The following TEX46 variants were observed in gnomAD, a reference collection of about 807,000 sequenced individuals.
TEX46 encodes testis-expressed protein 46.
TEX46 carries 6 observed loss-of-function variants against 5.3 expected under a neutral mutation model. The ratio of observed to expected loss-of-function variants is 1.13; its 90% confidence interval spans 0.62 to 2.23. The LOEUF is 2.23. Ranked by LOEUF, TEX46 falls within the 30% of genes most tolerant of loss-of-function variation. The pLI is 0.00. For synonymous variants in TEX46, 41 were observed against 54.6 expected (o/e 0.75, Z 1.10); for missense variants, 131 against 150.9 (o/e 0.87, Z 0.69).
In TEX46 at chr1:23,015,840, G is replaced by A. The variant is rs1435591735; in HGVS notation, c.-67C>T. 1.5e-6 allele frequency: 1 copy of A among 675,696 alleles called. No individual in the cohort carries two copies. The highest frequency in any genetic ancestry group is 2.7e-6 in the Non-Finnish European group (1 of 375,280). 41.9% of individuals were successfully genotyped at this position (675,696 alleles called of 1,614,324 possible). The stretch of plus-strand genomic sequence containing the variant: ...AATGGTGGCTGCCAGGGTCTGGAAG[G>A]AGGGGCAAATGTAGTCATTGTTTAA... On this transcript the variant is annotated 5_prime_UTR_variant, in exon 1 of 3. Transcript: ENST00000566855.
At chr1:23,011,765 C>T (rs775425098) in intron 2 of TEX46, among the ~76,000 whole-genome samples, 3 of 152,100 alleles carry the variant, frequency 2.0e-5, no homozygotes, top group Non-Finnish European at 4.4e-5. Context: ...CTCAAATTCC[C>T]GAGTCCTCCA....
chr1:23,014,832 T>C (rs1001405265), intron 1 of TEX46, among the ~76,000 whole-genome samples: 5 of 151,946 alleles, frequency 3.3e-5, no homozygotes, highest in Admixed American at 6.6e-5. Flanking sequence ...ACTTTTATTA[T>C]TTTATTTTAT....
chr1:23,012,038 C>T (rs1641357711), intron 2 of TEX46, among the ~76,000 whole-genome samples: 1 of 151,780 alleles, frequency 6.6e-6, no homozygotes, highest in Admixed American at 6.6e-5. Flanking sequence ...CAGCTACAAA[C>T]TAATGGTCTT....
rs546585510 is a variant in TEX46 at position 23,013,171 on chromosome 1, T to C, written c.165+712A>G. ...CTGTGAGCCACTGCGCCAGGCTGTTTTGCTTTTTATTTTTGTTTTTAGATG... is the reference window on the plus strand; with the variant it reads ...CTGTGAGCCACTGCGCCAGGCTGTTCTGCTTTTTATTTTTGTTTTTAGATG... On this transcript the variant is annotated intron_variant, in intron 2 of 2. Transcript: ENST00000566855. 2.0e-4 allele frequency among the ~76,000 whole-genome samples: 29 copies of C among 146,058 alleles called. No homozygotes were observed. The South Asian group carries it at 6.2e-3, about 31-fold the overall frequency.
chr1:23,015,575 T>A, intron 1 of TEX46, among the ~76,000 whole-genome samples, 197 bp downstream of exon 1: 1 of 144,618 alleles, frequency 6.9e-6, no homozygotes, highest in East Asian at 2.2e-4. Context: ...TTATTCACAA[T>A]AGCCAAAATG....
intron 1 of TEX46, 185 bp from the exon 2 acceptor site, chr1:23,014,230 A>C: frequency 4.5e-6 from 5 of 1,111,072 alleles, no homozygotes; most frequent in Non-Finnish European, 4.8e-6. Context: ...TGAAGCACCC[A>C]CTATGTGCCA....
At chr1:23,014,163 C>CCGGG in intron 1 of TEX46, 118 bp from the exon 2 acceptor site, 2 of 1,416,790 alleles carry the variant, frequency 1.4e-6, no homozygotes, top group Non-Finnish European at 1.8e-6. Flanking sequence ...GAGTCATAGC[C>CCGGG]AGCTCCCTCC....
chr1:23,011,908 A>G (rs940550796), intron 2 of TEX46, among the ~76,000 whole-genome samples: 3 of 152,178 alleles, frequency 2.0e-5, no homozygotes, highest in Non-Finnish European at 4.4e-5. Context: ...GCATTTTGTC[A>G]GGCTCAGTAC....
In TEX46 at chr1:23,011,168, G is replaced by A. The variant is rs1399149912; in HGVS notation, c.166-67C>T. On this transcript the variant is annotated intron_variant, in intron 2 of 2. Coordinates refer to ENST00000566855, the MANE Select transcript of TEX46 (RefSeq NM_001242521.2). Reference sequence around the variant, plus strand: ...TGTTCACGGCCTTGCTGTTCTTGGAGTCGTTTTCAGAAGTCTTTGGTTTCT... The same window carrying A: ...TGTTCACGGCCTTGCTGTTCTTGGAATCGTTTTCAGAAGTCTTTGGTTTCT... The A allele has an allele frequency of 6.2e-6, 8 of 1,299,252 alleles. No homozygotes were observed. In the East Asian group the frequency reaches 1.8e-4, roughly 29 times the overall value. 80.5% of individuals were successfully genotyped at this position (1,299,252 alleles called of 1,614,324 possible). A position where few individuals can be genotyped will look rare whatever the true frequency, so the allele number is the denominator to read the frequency against.
intron 2 of TEX46, among the ~76,000 whole-genome samples, chr1:23,012,283 G>C (rs1327114050): frequency 6.6e-6 from 1 of 151,842 alleles, no homozygotes; most frequent in South Asian, 2.1e-4. Flanking sequence ...GGTCGAGGCT[G>C]CAGTGAGCCA....
At chr1:23,012,599 C>G (rs1641368109) in intron 2 of TEX46, among the ~76,000 whole-genome samples, 1 of 152,130 alleles carries the variant, frequency 6.6e-6, no homozygotes. Context: ...AAGTAGTTCT[C>G]AATGGGAGGC....
chr1:23,012,393 A>G (rs374949942), intron 2 of TEX46, among the ~76,000 whole-genome samples: 4 of 151,838 alleles, frequency 2.6e-5, no homozygotes, highest in South Asian at 2.1e-4. Context: ...AAAATTCAAC[A>G]TATCAGGCAT....
chr1:23,014,420 C>G lies in TEX46; in HGVS notation c.3-375G>C, dbSNP rs139344913. Among the ~76,000 whole-genome samples, 484 of 152,304 alleles carry G rather than the reference C, an allele frequency of 3.2e-3. 2 individuals carry two copies. The highest frequency in any genetic ancestry group is 0.011 in the African/African-American group (467 of 41,552). ...AAAAGTTATCCAAACTTAGACATAA[C>G]TGCTTTCACAGTTATACTAGCCCAT... is the stretch of plus-strand genomic sequence containing the variant. On this transcript the variant is annotated intron_variant, in intron 1 of 2. Transcript: ENST00000566855.
rs557497038 is a variant in TEX46 at position 23,010,888 on chromosome 1, C to G, written c.*13G>C. 10 of 1,517,798 alleles carry G rather than the reference C, an allele frequency of 6.6e-6. No homozygotes were observed. The African/African-American group carries it at 1.1e-4, about 17-fold the overall frequency. The allele number at this position is 1,517,798 out of a possible 1,614,324, so 94.0% of individuals were successfully genotyped here. ...AAGGTAACATCGGCAGAGGCCAGCC[C>G]GCCTCGGCCTCATTAGCTGGGGGAA... is the stretch of plus-strand genomic sequence containing the variant. On this transcript the variant is annotated 3_prime_UTR_variant, in exon 3 of 3. Coordinates refer to ENST00000566855, the MANE Select transcript of TEX46 (RefSeq NM_001242521.2).
intron 2 of TEX46, among the ~76,000 whole-genome samples, chr1:23,013,575 AT>A (rs950224818): frequency 6.6e-6 from 1 of 151,910 alleles, no homozygotes; most frequent in Non-Finnish European, 1.5e-5. Flanking sequence ...GTCCATGTTA[AT>A]TTTTTTTATT....
chr1:23,014,188 C>T (rs971546044), intron 1 of TEX46, 143 bp from the exon 2 acceptor site: 33 of 1,374,278 alleles, frequency 2.4e-5, no homozygotes, highest in African/African-American at 3.0e-5. Flanking sequence ...ACCCAGCTGC[C>T]GCATAACAAT....
At chr1:23,011,562 T>A (rs1164028407) in intron 2 of TEX46, among the ~76,000 whole-genome samples, 1 of 151,928 alleles carries the variant, frequency 6.6e-6, no homozygotes, top group Non-Finnish European at 1.5e-5. Flanking sequence ...CCAGCTAACT[T>A]TTTGTATTAG....
In TEX46 at chr1:23,014,382, C is replaced by A. The variant is rs150879310; in HGVS notation, c.3-337G>T. 3.8e-3 allele frequency among the ~76,000 whole-genome samples: 581 copies of A among 152,222 alleles called. 3 individuals are homozygous for A. The highest frequency in any genetic ancestry group is 0.013 in the African/African-American group (558 of 41,540). On this transcript the variant is annotated intron_variant, in intron 1 of 2. Coordinates refer to ENST00000566855, the MANE Select transcript of TEX46 (RefSeq NM_001242521.2). ...ATGGCCAATACAGAGCCCCTACCAT[C>A]ATAGGGGCAAAGAAAAGTTATCCAA...
chr1:23,015,364 A>T (rs1641404683), intron 1 of TEX46, among the ~76,000 whole-genome samples: 1 of 140,282 alleles, frequency 7.1e-6, no homozygotes, highest in Admixed American at 7.7e-5. Flanking sequence ...GGAACCCAGG[A>T]GGCAGAGGTT....
Sources: allele counts gnomAD v4.1 joint callset (sites outside exome capture counted in the v4.1 genomes callset), GRCh38; gene constraint gnomAD v4.1.1; transcripts MANE v1.5; gene names NCBI Gene and HGNC (gene_info 2026-07-23, HGNC 2026-07-21).